UBE2V1: variants seen among roughly 807,000 people sequenced by gnomAD.
UBE2V1 encodes the protein ubiquitin-conjugating enzyme E2 variant 1.
Under a neutral mutation model 19.6 loss-of-function variants are expected in UBE2V1, and 15 were observed. The ratio of observed to expected loss-of-function variants is 0.77; its 90% CI spans 0.51 to 1.18. UBE2V1 has a LOEUF of 1.18. UBE2V1 is among the 50% of genes most tolerant of loss of function. UBE2V1 has a pLI of 0.00. For synonymous variants in UBE2V1, 60 were observed against 60.7 expected, an observed-to-expected ratio of 0.99 and a Z score of 0.05; for missense variants, 125 against 184.8, an observed-to-expected ratio of 0.68 and a Z score of 1.88.
chr20:50,084,603 A>G, intron 2 of UBE2V1: 1 of 464,620 alleles, frequency 2.2e-6, no homozygotes, highest in South Asian at 1.6e-5. Flanking sequence ...AAGCCGAGTT[A>G]AATGTCCACT....
upstream of UBE2V1, among the ~76,000 whole-genome samples, chr20:50,114,695 G>A (rs2080955904): frequency 6.6e-6 from 1 of 152,076 alleles, no homozygotes; most frequent in Non-Finnish European, 1.5e-5. Context: ...AGGATGGGGT[G>A]GTCAGATTTA....
chr20:50,087,856 G>A (rs1011934287), intron 2 of UBE2V1, among the ~76,000 whole-genome samples: 3 of 152,062 alleles, frequency 2.0e-5, no homozygotes, highest in South Asian at 2.1e-4. Context: ...CTCAAAGGCC[G>A]AGGGACACTC....
chr20:50,086,612 T>A (rs2078929247), intron 2 of UBE2V1, among the ~76,000 whole-genome samples: 1 of 152,182 alleles, frequency 6.6e-6, no homozygotes, highest in African/African-American at 2.4e-5. Flanking sequence ...AGATCCTGAA[T>A]GGAGCAAAAA....
intron 2 of UBE2V1, among the ~76,000 whole-genome samples, chr20:50,087,116 C>G (rs1303128027): frequency 6.6e-6 from 1 of 151,700 alleles, no homozygotes; most frequent in Non-Finnish European, 1.5e-5. Flanking sequence ...CAAGCTAAGG[C>G]TGGGTGCGGT....
At chr20:50,115,582 C>A, upstream of UBE2V1, 1 of 1,530,928 alleles carries the variant, frequency 6.5e-7, no homozygotes, top group East Asian at 2.4e-5. Context: ...GCATCAGTTT[C>A]CCCTTCTATG....
Position 50,090,882 on chromosome 20 carries a change from C to A in UBE2V1, c.171+5790G>T, listed in dbSNP as rs111546749. On this transcript the variant is annotated intron_variant, in intron 2 of 3. Transcript: ENST00000371674. ...GTGGTAATCATTACACAATGTATAT[C>A]AAATCATCACACTGTATACCTTGGA... 5.6e-4 allele frequency among the ~76,000 whole-genome samples: 86 copies of A among 152,268 alleles called. 1 individual carries two copies. Among genetic ancestry groups the A allele is most frequent in the African/African-American group, 2.0e-3 (84 of 41,526 alleles).
chr20:50,098,475 C>T (rs906174822), intron 1 of UBE2V1, among the ~76,000 whole-genome samples: 3 of 152,168 alleles, frequency 2.0e-5, no homozygotes, highest in South Asian at 2.1e-4. Flanking sequence ...AGATAATACC[C>T]GTTTGGACCA....
At chr20:50,098,932 A>G (rs1310185732) in intron 1 of UBE2V1, 1 of 985,320 alleles carries the variant, frequency 1.0e-6, no homozygotes, top group Admixed American at 6.1e-5. Flanking sequence ...ACAGCAGCCA[A>G]CTGGATTATT....
At chr20:50,103,490 C>T (rs1405795907) in intron 1 of UBE2V1, among the ~76,000 whole-genome samples, 1 of 152,160 alleles carries the variant, frequency 6.6e-6, no homozygotes, top group East Asian at 1.9e-4. Flanking sequence ...GCTGCAACCT[C>T]GGTCTCCTGT....
At chr20:50,101,493 A>C (rs2079989955) in intron 1 of UBE2V1, among the ~76,000 whole-genome samples, 1 of 131,278 alleles carries the variant, frequency 7.6e-6, no homozygotes, top group African/African-American at 3.0e-5. Flanking sequence ...ATCTCAGCTC[A>C]CTGCAACCTC....
rs1372926242 is a variant in UBE2V1, at chr20:50,096,766, T to C, written c.77A>G (p.Lys26Arg). The C allele has an allele frequency of 6.2e-7, 1 of 1,614,188 alleles. No individual in the cohort carries two copies. Among genetic ancestry groups the C allele is most frequent in the East Asian group, 2.2e-5 (1 of 44,884 alleles). The change falls in exon 2 of 4, where the codon AAA becomes AGA. Residue 26 changes from lysine to arginine, a missense_variant. Lys to Arg is a conservative substitution (Grantham distance 26, BLOSUM62 2). This residue lies in a region of UBE2V1 where 19 missense variants were observed against 53.5 expected (regional missense o/e 0.35). Coordinates refer to ENST00000371674, the MANE Select transcript of UBE2V1 (RefSeq NM_001032288.3). ...RLLEELEEGQ[K>R]GVGDGTVSWG... Reference sequence around the variant, plus strand: ...GCTAACTGTGCCATCTCCTACTCCTTTCTGGCCTTCTTCGAGTTCTTCCAA... The same window carrying C: ...GCTAACTGTGCCATCTCCTACTCCTCTCTGGCCTTCTTCGAGTTCTTCCAA...
At chr20:50,099,728 G>A (rs550432430) in intron 1 of UBE2V1, among the ~76,000 whole-genome samples, 2 of 152,076 alleles carry the variant, frequency 1.3e-5, no homozygotes, top group Non-Finnish European at 2.9e-5. Flanking sequence ...AAGGATCAAG[G>A]GTTCTTCTCT....
At chr20:50,099,025 C>G in intron 1 of UBE2V1, 1 of 954,864 alleles carries the variant, frequency 1.0e-6, no homozygotes, top group Non-Finnish European at 1.2e-6. Flanking sequence ...CCAGACAACA[C>G]AACTATTGTT....
chr20:50,089,753 C>T (rs112891498), intron 2 of UBE2V1, among the ~76,000 whole-genome samples: 69 of 152,318 alleles, frequency 4.5e-4, no homozygotes, highest in African/African-American at 1.6e-3. Context: ...AGTAAGTTTT[C>T]ACTTCTCTAG....
chr20:50,109,880 C>G (rs925938034), intron 1 of UBE2V1, among the ~76,000 whole-genome samples: 2 of 151,704 alleles, frequency 1.3e-5, no homozygotes, highest in Admixed American at 6.6e-5. Flanking sequence ...CCATGTTGTA[C>G]AAAAGGCACT....
chr20:50,089,717 G>A (rs1471155365), intron 2 of UBE2V1, among the ~76,000 whole-genome samples: 2 of 152,324 alleles, frequency 1.3e-5, no homozygotes, highest in African/African-American at 4.8e-5. Flanking sequence ...CTTTCTGAGT[G>A]AGCACGGGGC....
At chr20:50,099,198 C>T (rs1424965962) in intron 1 of UBE2V1, among the ~76,000 whole-genome samples, 1 of 139,136 alleles carries the variant, frequency 7.2e-6, no homozygotes, top group African/African-American at 3.2e-5. Flanking sequence ...GTTCACAGAT[C>T]GTGCTATGGG....
intron 2 of UBE2V1, among the ~76,000 whole-genome samples, chr20:50,087,350 T>C (rs2078978946): frequency 6.8e-6 from 1 of 146,596 alleles, no homozygotes; most frequent in Non-Finnish European, 1.5e-5. Context: ...GAGCCGAGAC[T>C]GCACCACTCC....
At chr20:50,104,280 C>CAAAA (rs34011542) in intron 1 of UBE2V1, 83 of 843,642 alleles carry the variant, frequency 9.8e-5, no homozygotes, top group African/African-American at 7.6e-4. Context: ...GACTCCGTCT[C>CAAAA]AAAAAAAAAA....
Sources: gnomAD v4.1 joint callset for allele counts (sites outside exome capture counted in the v4.1 genomes callset) on GRCh38, gnomAD v4.1.1 for gene constraint, gnomAD v4.1.1 regional missense constraint, MANE v1.5 for transcripts, NCBI Gene and HGNC (gene_info 2026-07-23, HGNC 2026-07-21) for gene names.